The following NPAS3 variants were observed in gnomAD, a reference collection of about 807,000 sequenced individuals.
NPAS3 encodes neuronal PAS domain protein 3.
A neutral mutation model predicts 73.1 loss-of-function variants in NPAS3; 14 were observed. The ratio of observed to expected loss-of-function variants is 0.19; its 90% CI spans 0.13 to 0.30. The LOEUF is 0.30. Ranked by LOEUF, NPAS3 falls within the 10% of genes least tolerant of loss-of-function variation. NPAS3 has a pLI of 1.00. For synonymous variants in NPAS3, 620 were observed against 541.5 expected (o/e 1.14, Z -2.01); for missense variants, 1,096 against 1,250.0 (o/e 0.88, Z 1.86).
At chr14:33,113,895 A>G (rs1475578081) in intron 2 of NPAS3, among the ~76,000 whole-genome samples, 1 of 152,134 alleles carries the variant, frequency 6.6e-6, no homozygotes, top group African/African-American at 2.4e-5. Flanking sequence ...GAATTTTGTC[A>G]AAGGCCTTTT....
rs759347848 is a variant in NPAS3 at position 33,620,656 on chromosome 14, C to G, written c.559-55555C>G. ...TTAATTTGAAATTAATTTCAAAAAT[C>G]AACATTAATAGACATAACATACAGT... On this transcript the variant is annotated intron_variant, in intron 5 of 11. Transcript: ENST00000356141. Among the ~76,000 whole-genome samples, 23 of 152,250 alleles carry G rather than the reference C, an allele frequency of 1.5e-4. No individual in the cohort carries two copies. In the East Asian group the frequency reaches 4.2e-3, roughly 28 times the overall value.
At chr14:33,291,374 G>A (rs2042093120) in intron 3 of NPAS3, among the ~76,000 whole-genome samples, 1 of 152,122 alleles carries the variant, frequency 6.6e-6, no homozygotes. Context: ...GGTTTGAGGT[G>A]AATCTGTTTT....
At chr14:32,997,710 G>A (rs1177911760) in intron 1 of NPAS3, among the ~76,000 whole-genome samples, 1 of 151,020 alleles carries the variant, frequency 6.6e-6, no homozygotes, top group Non-Finnish European at 1.5e-5. Context: ...GGATCACGAG[G>A]TCAGGAGATG....
chr14:33,556,233 A>C (rs185468479), intron 4 of NPAS3, among the ~76,000 whole-genome samples: 1 of 152,222 alleles, frequency 6.6e-6, no homozygotes, highest in Admixed American at 6.5e-5. Flanking sequence ...AAAAATCACA[A>C]TCCCCTTTAG....
chr14:33,551,886 G>A (rs4083479), intron 4 of NPAS3, among the ~76,000 whole-genome samples: 1,686 of 152,324 alleles, frequency 0.011, 40 homozygotes, highest in African/African-American at 0.038. Flanking sequence ...ACACCAACCT[G>A]CAAGAGGTCT....
At chr14:33,612,498 T>C (rs1434192498) in intron 5 of NPAS3, 3 of 455,956 alleles carry the variant, frequency 6.6e-6, no homozygotes, top group Non-Finnish European at 8.8e-6. Flanking sequence ...TTTTTAAAAT[T>C]AATCAAATTC....
chr14:33,258,661 A>G (rs1335286314), intron 3 of NPAS3, among the ~76,000 whole-genome samples: 1 of 152,178 alleles, frequency 6.6e-6, no homozygotes, highest in East Asian at 1.9e-4. Flanking sequence ...ACCTAATCTG[A>G]TCACAAGGGC....
At chr14:33,044,956 C>G (rs979192244) in intron 1 of NPAS3, among the ~76,000 whole-genome samples, 18 of 152,108 alleles carry the variant, frequency 1.2e-4, no homozygotes, top group African/African-American at 3.9e-4. Context: ...GTTTCCAGAG[C>G]CCTTCTCTTC....
intron 1 of NPAS3, among the ~76,000 whole-genome samples, chr14:33,043,042 T>A (rs1295059614): frequency 6.6e-6 from 1 of 152,150 alleles, no homozygotes; most frequent in Non-Finnish European, 1.5e-5. Context: ...TTGAATGTAA[T>A]CTCCTCCACT....
At chr14:33,724,045 T>C (rs1163789826) in intron 6 of NPAS3, among the ~76,000 whole-genome samples, 16 of 152,138 alleles carry the variant, frequency 1.1e-4, no homozygotes, top group Non-Finnish European at 7.4e-5. Flanking sequence ...AAATACCTGT[T>C]AAAAAATTTG....
intron 3 of NPAS3, among the ~76,000 whole-genome samples, chr14:33,238,281 T>A (rs540273088): frequency 1.3e-5 from 2 of 152,154 alleles, no homozygotes; most frequent in South Asian, 4.1e-4. Flanking sequence ...GGATAATGAA[T>A]TCTGTTAATA....
At chr14:33,321,063 T>A (rs1301835510) in intron 3 of NPAS3, among the ~76,000 whole-genome samples, 2 of 152,122 alleles carry the variant, frequency 1.3e-5, no homozygotes, top group Non-Finnish European at 2.9e-5. Flanking sequence ...CTTCATGTAT[T>A]TATTTTGTTA....
chr14:33,300,241 G>T (rs1428981133), intron 3 of NPAS3, among the ~76,000 whole-genome samples: 1 of 152,118 alleles, frequency 6.6e-6, no homozygotes, highest in African/African-American at 2.4e-5. Flanking sequence ...ATTTAAGAAA[G>T]AATTAAAAAT....
At chr14:33,575,086 C>T (rs1302259805) in intron 5 of NPAS3, among the ~76,000 whole-genome samples, 1 of 152,176 alleles carries the variant, frequency 6.6e-6, no homozygotes, top group Non-Finnish European at 1.5e-5. Context: ...CTACCAAACA[C>T]GTTAGGAGGT....
exon 12 of NPAS3, chr14:33,799,810 G>T: frequency 6.2e-7 from 1 of 1,613,784 alleles, no homozygotes; most frequent in Non-Finnish European, 8.5e-7. Context: ...CCGACCGGAA[G>T]AAGTCGGGCA....
chr14:33,372,545 C>T (rs1057012295), intron 4 of NPAS3, among the ~76,000 whole-genome samples: 2 of 152,146 alleles, frequency 1.3e-5, no homozygotes, highest in Non-Finnish European at 2.9e-5. Flanking sequence ...GTATTGCGAA[C>T]TCTGGGGCCG....
intron 4 of NPAS3, among the ~76,000 whole-genome samples, chr14:33,533,970 T>G (rs2054150470): frequency 6.6e-6 from 1 of 152,148 alleles, no homozygotes. Flanking sequence ...TTAATGTGTT[T>G]ATGCTTTAAA....
chr14:33,314,446 G>A (rs2043128966), intron 3 of NPAS3, among the ~76,000 whole-genome samples: 1 of 152,020 alleles, frequency 6.6e-6, no homozygotes, highest in African/African-American at 2.4e-5. Context: ...GGATAGTAGT[G>A]TCTATAAAGT....
intron 5 of NPAS3, among the ~76,000 whole-genome samples, chr14:33,625,980 C>A (rs759145930): frequency 1.1e-4 from 16 of 152,028 alleles, no homozygotes; most frequent in South Asian, 8.3e-4. Flanking sequence ...AATGGTTAAC[C>A]AATGATAAAA....
Sources: gnomAD v4.1 joint callset for allele counts (sites outside exome capture counted in the v4.1 genomes callset) on GRCh38, gnomAD v4.1.1 for gene constraint, MANE v1.5 for transcripts, NCBI Gene and HGNC (gene_info 2026-07-23, HGNC 2026-07-21) for gene names.